Variants in CIDEC observed in about 807,000 individuals in gnomAD.
CIDEC encodes the protein lipid transferase CIDEC.
Under a neutral mutation model 21.9 loss-of-function variants are expected in CIDEC, and 11 were observed. The ratio of observed to expected loss-of-function variants is 0.50; its 90% confidence interval spans 0.32 to 0.83. The LOEUF is 0.83. Among genes scored for constraint, CIDEC ranks in the 40% least tolerant of loss-of-function variants. CIDEC has a pLI of 0.04. For missense variants in CIDEC, 302 were observed against 302.3 expected (o/e 1.00, Z 0.01); for synonymous variants, 127 against 124.9 (o/e 1.02, Z -0.11).
intron 6 of CIDEC, among the ~76,000 whole-genome samples, chr3:9,868,633 T>C (rs1340940132): frequency 2.0e-5 from 3 of 152,204 alleles, no homozygotes; most frequent in Non-Finnish European, 2.9e-5. Flanking sequence ...TCACATATTC[T>C]CATGCTTCTT....
In CIDEC at chr3:9,869,990, T is replaced by A; in HGVS notation, c.446A>T (p.Lys149Met). The change falls in exon 6 of 7, where the codon AAG becomes ATG. Residue 149 changes from lysine to methionine, a missense_variant. Lys to Met is a moderately conservative substitution (Grantham distance 95). Coordinates refer to ENST00000336832, the MANE Select transcript of CIDEC (RefSeq NM_001321142.2). ...DVARVTFDLY[K>M]LNPQDFIGCL... Reference sequence around the variant, plus strand: ...GCCAATGAAGTCCTGTGGGTTCAGCTTGTACAGATCAAACGTTACACGGGC... The same window carrying A: ...GCCAATGAAGTCCTGTGGGTTCAGCATGTACAGATCAAACGTTACACGGGC... The A allele has an allele frequency of 2.5e-6, 4 of 1,614,198 alleles. No homozygotes were observed. Among genetic ancestry groups the A allele is most frequent in the Non-Finnish European group, 3.4e-6 (4 of 1,180,040 alleles).
At position 9,870,322 on chromosome 3, in the gene CIDEC, C is replaced by T. The variant is rs771505745; in HGVS notation, c.208G>A (p.Val70Ile). The stretch of plus-strand genomic sequence containing the variant: ...TCTGCCAGCATCAGAGTGTCCCGGA[C>T]CTGGGGAATAAGGTCAGTGATGCTT... ...AYSLEDLLLK[V>I]RDTLMLADKP... Residue 70 changes from valine (V) to isoleucine (I), a missense_variant and splice_region_variant, in exon 5 of 7, where the codon GTC becomes ATC. Val to Ile is a conservative substitution (Grantham distance 29). Transcript: ENST00000336832. The T allele has an allele frequency of 1.2e-6, 2 of 1,613,174 alleles. No homozygotes were observed. The highest frequency in any genetic ancestry group is 8.5e-7 in the Non-Finnish European group (1 of 1,180,014).
In CIDEC at chr3:9,866,929, C is replaced by T. The variant is rs914298518; in HGVS notation, c.*205G>A. The T allele has an allele frequency of 3.9e-5, 26 of 664,504 alleles. No individual in the cohort carries two copies. The highest frequency in any genetic ancestry group is 6.0e-5 in the Non-Finnish European group (22 of 366,636). The allele number at this position is 664,504 out of a possible 1,614,324, so 41.2% of individuals were successfully genotyped here. On this transcript the variant is annotated 3_prime_UTR_variant, in exon 7 of 7. Coordinates refer to ENST00000336832, the MANE Select transcript of CIDEC (RefSeq NM_001321142.2). ...CTAAGCTGCCTTGGGCAGGAAGGAG[C>T]TGGATCAGGCCAGGAGCTTGAGGTT...
chr3:9,878,309 C>T, intron 3 of CIDEC, 125 bp downstream of exon 3: 2 of 795,154 alleles, frequency 2.5e-6, no homozygotes, highest in East Asian at 2.5e-5. Context: ...CACTCCAGAC[C>T]TCCTGAATCA....
intron 4 of CIDEC, among the ~76,000 whole-genome samples, 182 bp downstream of exon 4, chr3:9,876,884 C>G (rs536755359): frequency 2.0e-5 from 3 of 152,290 alleles, no homozygotes; most frequent in South Asian, 2.1e-4. Context: ...TACTGCCCCC[C>G]TCCTGTTACC....
At chr3:9,867,986 C>T (rs1298992395) in intron 6 of CIDEC, among the ~76,000 whole-genome samples, 1 of 152,024 alleles carries the variant, frequency 6.6e-6, no homozygotes, top group African/African-American at 2.4e-5. Context: ...CCCTGCACCC[C>T]CTTATTCCCA....
chr3:9,870,944 T>C (rs1315365273), intron 4 of CIDEC, among the ~76,000 whole-genome samples: 1 of 151,890 alleles, frequency 6.6e-6, no homozygotes, highest in Non-Finnish European at 1.5e-5. Context: ...CCGGACATAA[T>C]TCATTCTTTT....
chr3:9,878,135 T>G, intron 3 of CIDEC: 1 of 374,456 alleles, frequency 2.7e-6, no homozygotes, highest in Non-Finnish European at 5.0e-6. Context: ...ATTAATTTGG[T>G]ATAATAACCC....
rs1559248556 is a variant in CIDEC at position 9,870,190 on chromosome 3, GC to G, written c.339del (p.Gln114ArgfsTer30). 1 of 1,614,044 alleles carries G rather than the reference GC, an allele frequency of 6.2e-7. No homozygotes were observed. Among genetic ancestry groups the G allele is most frequent in the Non-Finnish European group, 8.5e-7 (1 of 1,180,026 alleles). On this transcript the variant is annotated frameshift_variant, in exon 5 of 7. Transcript: ENST00000336832. LOFTEE classifies it high-confidence loss of function. ...TGTTCTGATGGGGGCTGCCATTTCTGCCCCTTCTGGAGGACCATGAACACTG... is the reference window on the plus strand; with the variant it reads ...TGTTCTGATGGGGGCTGCCATTTCTGCCCTTCTGGAGGACCATGAACACTG... The part of the protein sequence containing the change: ...GDTVFMVLQK[G>X]QKWQPPSEQG...
rs1055117696 is a variant in CIDEC at position 9,879,064 on chromosome 3, T to A, written c.-138-10A>T. The A allele has an allele frequency of 7.0e-6, 4 of 570,046 alleles. No individual in the cohort carries two copies. Among genetic ancestry groups the A allele is most frequent in the Non-Finnish European group, 9.4e-6 (3 of 318,126 alleles). The allele number at this position is 570,046 out of a possible 1,614,324, so 35.3% of individuals were successfully genotyped here. On this transcript the variant is annotated splice_polypyrimidine_tract_variant and intron_variant, in intron 1 of 6. Transcript: ENST00000336832. The stretch of plus-strand genomic sequence containing the variant: ...TGGCCAAAAGAACATTCTGTGATGA[T>A]AGAGGCATGCCTTGTACATACTCTC...
intron 6 of CIDEC, among the ~76,000 whole-genome samples, chr3:9,867,678 A>G (rs569649176): frequency 1.3e-4 from 20 of 151,622 alleles, no homozygotes; most frequent in Non-Finnish European, 2.6e-4. Flanking sequence ...CTGTAATCCT[A>G]TAACTTTAGG....
At chr3:9,876,495 A>G (rs867693144) in intron 4 of CIDEC, among the ~76,000 whole-genome samples, 6 of 143,360 alleles carry the variant, frequency 4.2e-5, no homozygotes, top group Middle Eastern at 8.1e-3. Context: ...GGTAGCTCAC[A>G]CCTGTAATCC....
At chr3:9,876,396 C>G (rs1007937570) in intron 4 of CIDEC, among the ~76,000 whole-genome samples, 5 of 150,730 alleles carry the variant, frequency 3.3e-5, no homozygotes, top group African/African-American at 1.2e-4. Context: ...ATCACTTGAA[C>G]CTGGGAGGCG....
At position 9,866,819 on chromosome 3, in the gene CIDEC, T is replaced by C; in HGVS notation, c.*315A>G. ...GGGGGCCAGAAGGTAGAGAGCACCA[T>C]GAAAGTACAGCCTGCGAGGCCAGAT... On this transcript the variant is annotated 3_prime_UTR_variant, in exon 7 of 7. Coordinates refer to ENST00000336832, the MANE Select transcript of CIDEC (RefSeq NM_001321142.2). 1.7e-6 allele frequency: 1 copy of C among 587,088 alleles called. No homozygotes were observed. The highest frequency in any genetic ancestry group is 3.0e-6 in the Non-Finnish European group (1 of 328,636). The allele number at this position is 587,088 out of a possible 1,614,324, so 36.4% of individuals were successfully genotyped here.
chr3:9,878,376 G>T, intron 3 of CIDEC, 58 bp downstream of exon 3: 1 of 1,304,566 alleles, frequency 7.7e-7, no homozygotes, highest in Non-Finnish European at 1.1e-6. Context: ...AGTTTGAGAA[G>T]TTCTGGCTTA....
In CIDEC at chr3:9,878,506, T is replaced by A. The variant is rs368499736; in HGVS notation, c.-20A>T. The A allele has an allele frequency of 3.7e-6, 6 of 1,613,536 alleles. No homozygotes were observed. In the African/African-American group the frequency reaches 8.0e-5, roughly 22 times the overall value. On this transcript the variant is annotated 5_prime_UTR_variant, in exon 3 of 7. Coordinates refer to ENST00000336832, the MANE Select transcript of CIDEC (RefSeq NM_001321142.2). ...TTCCATCCTTGTCAGCTGGACTGCG[T>A]TGGACCTGGGAAGGAGGCAGAAACA...
At chr3:9,876,757 CAAAAAAAAA>C (rs6147705) in intron 4 of CIDEC, among the ~76,000 whole-genome samples, 1 of 67,772 alleles carries the variant, frequency 1.5e-5, no homozygotes, top group East Asian at 4.2e-4. Context: ...GACTTCGTCT[CAAAAAAAAA>C]AAAAAAAAAA....
intron 4 of CIDEC, among the ~76,000 whole-genome samples, chr3:9,873,086 TTTTG>T (rs1321450361): frequency 6.6e-6 from 1 of 152,172 alleles, no homozygotes; most frequent in African/African-American, 2.4e-5. Context: ...TTTGTTTTGG[TTTTG>T]TTTTTTTGTT....
chr3:9,869,539 C>T (rs953655385), intron 6 of CIDEC, among the ~76,000 whole-genome samples: 6 of 152,144 alleles, frequency 3.9e-5, no homozygotes, highest in African/African-American at 9.7e-5. Flanking sequence ...CATGAGCCAC[C>T]GTGCCTGGCC....
Sources: allele counts gnomAD v4.1 joint callset (sites outside exome capture counted in the v4.1 genomes callset), GRCh38; gene constraint gnomAD v4.1.1; transcripts MANE v1.5; gene names NCBI Gene and HGNC (gene_info 2026-07-23, HGNC 2026-07-21).